Variants in DNAL4 observed in about 807,000 individuals in gnomAD.
The protein encoded by DNAL4 is dynein axonemal light chain 4.
DNAL4 carries 10 observed loss-of-function variants against 12.6 expected under a neutral mutation model. The ratio of observed to expected loss-of-function variants is 0.79; its 90% confidence interval spans 0.49 to 1.34. The LOEUF is 1.34. DNAL4 is among the 40% of genes most tolerant of loss of function. The pLI is 0.00. For synonymous variants in DNAL4, 46 were observed against 53.1 expected, an observed-to-expected ratio of 0.87 and a Z score of 0.58; for missense variants, 128 against 138.1, an observed-to-expected ratio of 0.93 and a Z score of 0.37.
chr22:38,790,895 CG>C (rs2093049555), intron 1 of DNAL4, among the ~76,000 whole-genome samples: 1 of 152,152 alleles, frequency 6.6e-6, no homozygotes, highest in Admixed American at 6.5e-5. Context: ...TGGCCGGGTG[CG>C]GTGGCTCACG....
chr22:38,783,736 T>C (rs2093038000), intron 1 of DNAL4, among the ~76,000 whole-genome samples: 3 of 152,190 alleles, frequency 2.0e-5, no homozygotes, highest in Admixed American at 2.0e-4. Context: ...ACCAGTAATG[T>C]GGGTACAGTC....
In DNAL4 at chr22:38,778,621, A is replaced by G. The variant is rs2093029518; in HGVS notation, c.*828T>C. On this transcript the variant is annotated 3_prime_UTR_variant, in exon 4 of 4. Transcript: ENST00000216068. ...CCCTTTTCCCACACTCGAAAAGAAC[A>G]TAGAAAACCCAGCAGAGAGCAGTAC... is the stretch of plus-strand genomic sequence containing the variant. 1 of 152,722 alleles carries G rather than the reference A, an allele frequency of 6.5e-6. No individual in the cohort carries two copies. Among genetic ancestry groups the G allele is most frequent in the East Asian group, 1.9e-4 (1 of 5,206 alleles). 9.5% of individuals were successfully genotyped at this position (152,722 alleles called of 1,614,324 possible).
chr22:38,785,441 T>G (rs61054097), intron 1 of DNAL4: 1 of 152,344 alleles, frequency 6.6e-6, no homozygotes, highest in African/African-American at 2.4e-5. Flanking sequence ...AGTGCTGGCA[T>G]GTAGGAGCCA....
intron 1 of DNAL4, among the ~76,000 whole-genome samples, chr22:38,786,859 G>C (rs1189800378): frequency 6.6e-6 from 1 of 152,164 alleles, no homozygotes; most frequent in Non-Finnish European, 1.5e-5. Flanking sequence ...GCTATCCCTT[G>C]TTCTTTTGTG....
rs73884542 is a variant in DNAL4, at chr22:38,783,447, T to G, written c.-139-577A>C. 2.6e-3 allele frequency among the ~76,000 whole-genome samples: 398 copies of G among 152,248 alleles called. 2 individuals carry two copies. The highest frequency in any genetic ancestry group is 9.1e-3 in the African/African-American group (379 of 41,540). ...CTCCTGCTACACACATGGGCCTTCC[T>G]TCCCAGAAGCTGTGCTTAGGAAGGG... On this transcript the variant is annotated intron_variant, in intron 1 of 3. Transcript: ENST00000216068.
chr22:38,791,676 G>C (rs1193391066), intron 1 of DNAL4, among the ~76,000 whole-genome samples: 1 of 151,330 alleles, frequency 6.6e-6, no homozygotes, highest in East Asian at 2.0e-4. Context: ...ACAGGTGTGA[G>C]CCACTGCGCC....
At chr22:38,790,869 A>G (rs1300094694) in intron 1 of DNAL4, among the ~76,000 whole-genome samples, 1 of 152,206 alleles carries the variant, frequency 6.6e-6, no homozygotes, top group Non-Finnish European at 1.5e-5. Context: ...GTATCTAAAC[A>G]TAGAAAAAGT....
At chr22:38,793,004 A>G (rs1012480017) in intron 1 of DNAL4, among the ~76,000 whole-genome samples, 7 of 152,228 alleles carry the variant, frequency 4.6e-5, no homozygotes, top group Non-Finnish European at 7.3e-5. Flanking sequence ...CAGCATCACC[A>G]CACACGTGAG....
chr22:38,789,442 ATTT>A (rs1309407038), intron 1 of DNAL4, among the ~76,000 whole-genome samples: 1 of 151,784 alleles, frequency 6.6e-6, no homozygotes, highest in Non-Finnish European at 1.5e-5. Context: ...TACTCGGCTA[ATTT>A]TTTTATTTTT....
At position 38,781,137 on chromosome 22, in the gene DNAL4, G is replaced by A. The variant is rs56408697; in HGVS notation, c.70-128C>T. The A allele has an allele frequency of 9.3e-4, 905 of 978,118 alleles. 2 individuals are homozygous for A. The highest frequency in any genetic ancestry group is 1.3e-3 in the Non-Finnish European group (823 of 651,204). 60.6% of individuals were successfully genotyped at this position (978,118 alleles called of 1,614,324 possible). On this transcript the variant is annotated intron_variant, in intron 2 of 3. Coordinates refer to ENST00000216068, the MANE Select transcript of DNAL4 (RefSeq NM_005740.3). ...AGCCTCCCTGGCCCAGCCCTGGGCA[G>A]GTGACCCATCTCCTGACTGAGGGCC... is the stretch of plus-strand genomic sequence containing the variant.
intron 1 of DNAL4, among the ~76,000 whole-genome samples, chr22:38,787,015 G>A (rs775687112): frequency 6.6e-6 from 1 of 152,066 alleles, no homozygotes; most frequent in African/African-American, 2.4e-5. Flanking sequence ...CCCCTGGGAG[G>A]GGGGCAGCCA....
intron 1 of DNAL4, among the ~76,000 whole-genome samples, chr22:38,790,763 G>C (rs989601271): frequency 2.0e-5 from 3 of 152,176 alleles, no homozygotes; most frequent in African/African-American, 7.2e-5. Context: ...TACAGACCTA[G>C]GCTATATGGT....
intron 1 of DNAL4, among the ~76,000 whole-genome samples, chr22:38,788,343 T>C (rs2093045459): frequency 6.6e-6 from 1 of 152,194 alleles, no homozygotes; most frequent in Non-Finnish European, 1.5e-5. Flanking sequence ...GAGGAAAATT[T>C]GGCAGAATAA....
At chr22:38,786,580 A>G (rs1844486276) in intron 1 of DNAL4, among the ~76,000 whole-genome samples, 1 of 152,062 alleles carries the variant, frequency 6.6e-6, no homozygotes, top group South Asian at 2.1e-4. Context: ...AAACAAAACA[A>G]AACAAAAACA....
At chr22:38,787,407 A>G (rs899317533) in intron 1 of DNAL4, among the ~76,000 whole-genome samples, 4 of 151,694 alleles carry the variant, frequency 2.6e-5, no homozygotes, top group African/African-American at 9.7e-5. Context: ...ACGCCTGGCT[A>G]ATTTTTGTAT....
chr22:38,789,662 G>A (rs942499000), intron 1 of DNAL4, among the ~76,000 whole-genome samples: 1 of 152,144 alleles, frequency 6.6e-6, no homozygotes, highest in African/African-American at 2.4e-5. Context: ...AGACCAACAG[G>A]CATACACAAG....
Position 38,782,770 on chromosome 22 carries a change from T to TCAGGAGGTGCTGGGACTGGCAGTTAAG in DNAL4, c.-66_-40dup, listed in dbSNP as rs2093036306. 2 of 1,583,956 alleles carry TCAGGAGGTGCTGGGACTGGCAGTTAAG rather than the reference T, an allele frequency of 1.3e-6. No homozygotes were observed. The highest frequency in any genetic ancestry group is 1.4e-5 in the African/African-American group (1 of 73,090). On this transcript the variant is annotated 5_prime_UTR_variant, in exon 2 of 4. Transcript: ENST00000216068. The surrounding 1 kb of genome is among the most constrained non-coding windows in gnomAD (Gnocchi z 5.1). ...TGACCACTGGAGGAGAGTGGGGCTT[T>TCAGGAGGTGCTGGGACTGGCAGTTAAG]CAGGAGGTGCTGGGACTGGCAGTTA...
intron 1 of DNAL4, among the ~76,000 whole-genome samples, chr22:38,787,319 G>A (rs1373955257): frequency 6.6e-6 from 1 of 150,582 alleles, no homozygotes; most frequent in African/African-American, 2.5e-5. Flanking sequence ...TCGGCTCACT[G>A]CAACCTCCGC....
intron 1 of DNAL4, among the ~76,000 whole-genome samples, chr22:38,784,172 C>A (rs138717730): frequency 1.3e-5 from 2 of 152,232 alleles, no homozygotes; most frequent in Admixed American, 6.5e-5. Context: ...GGTGATGACA[C>A]GTGACGGCTG....
Sources: allele counts gnomAD v4.1 joint callset (sites outside exome capture counted in the v4.1 genomes callset), GRCh38; gene constraint gnomAD v4.1.1; non-coding constraint Gnocchi (gnomAD v3.1); transcripts MANE v1.5; gene names NCBI Gene and HGNC (gene_info 2026-07-23, HGNC 2026-07-21).